THSD4: variants seen among roughly 807,000 people sequenced by gnomAD.
THSD4 encodes the protein thrombospondin type-1 domain-containing protein 4.
Under a neutral mutation model 119.0 loss-of-function variants are expected in THSD4, and 69 were observed. The observed-to-expected ratio is 0.58, with a 90% CI of 0.48 to 0.71. The LOEUF (loss-of-function observed/expected upper bound fraction) is 0.71, where lower values mean the gene tolerates loss of function less well. THSD4 is among the 30% of genes least tolerant of loss of function. The pLI is 0.00. For synonymous variants in THSD4, 524 were observed against 540.4 expected, an observed-to-expected ratio of 0.97 and a Z score of 0.42; for missense variants, 1,393 against 1,391.1, an observed-to-expected ratio of 1.00 and a Z score of -0.02.
At chr15:71,692,980 G>GATA (rs3086726) in intron 8 of THSD4, among the ~76,000 whole-genome samples, 152,153 of 152,352 alleles carry the variant, frequency 1, 75,977 homozygotes, top group East Asian at 1. Flanking sequence ...TTCCTAAACA[G>GATA]ATGAGAGTGA....
At chr15:71,539,114 C>T (rs2140833756) in intron 7 of THSD4, among the ~76,000 whole-genome samples, 1 of 152,292 alleles carries the variant, frequency 6.6e-6, no homozygotes, top group South Asian at 2.1e-4. Context: ...TCATGATTGT[C>T]CTTATCTTTG....
intron 3 of THSD4, among the ~76,000 whole-genome samples, chr15:71,190,784 G>T (rs902008974): frequency 1.3e-5 from 2 of 152,040 alleles, no homozygotes; most frequent in Non-Finnish European, 2.9e-5. Flanking sequence ...ACAGCAGAAG[G>T]TGTCACTCCC....
At chr15:71,411,013 G>A (rs762179622) in intron 6 of THSD4, among the ~76,000 whole-genome samples, 9 of 152,100 alleles carry the variant, frequency 5.9e-5, no homozygotes, top group Non-Finnish European at 1.0e-4. Flanking sequence ...GCACCACTGC[G>A]CTCCAGCCTG....
intron 7 of THSD4, among the ~76,000 whole-genome samples, chr15:71,640,980 G>C (rs1386884191): frequency 2.0e-5 from 3 of 146,606 alleles, no homozygotes; most frequent in African/African-American, 7.5e-5. Flanking sequence ...CCCACCTACA[G>C]ACACACACAC....
chr15:71,245,791 G>T (rs150894155), intron 5 of THSD4, among the ~76,000 whole-genome samples: 1 of 152,276 alleles, frequency 6.6e-6, no homozygotes, highest in East Asian at 1.9e-4. Context: ...TTTTAGGCAC[G>T]GTGAGCCACT....
At chr15:71,598,959 T>C (rs1313801758) in intron 7 of THSD4, among the ~76,000 whole-genome samples, 1 of 152,210 alleles carries the variant, frequency 6.6e-6, no homozygotes, top group Non-Finnish European at 1.5e-5. Flanking sequence ...GTGTCACTTA[T>C]GTTAGGAACA....
intron 3 of THSD4, among the ~76,000 whole-genome samples, chr15:71,181,342 C>A (rs1020818304): frequency 6.6e-6 from 1 of 152,198 alleles, no homozygotes; most frequent in African/African-American, 2.4e-5. Flanking sequence ...GATTCAAAGT[C>A]AACAGCAGAA....
intron 15 of THSD4, among the ~76,000 whole-genome samples, chr15:71,760,765 T>A (rs2053615570): frequency 6.6e-6 from 1 of 152,208 alleles, no homozygotes; most frequent in South Asian, 2.1e-4. Flanking sequence ...CTGCAGGAAT[T>A]CTTTAGGTAC....
chr15:71,669,157 C>G (rs2051472932), intron 8 of THSD4, among the ~76,000 whole-genome samples: 1 of 152,126 alleles, frequency 6.6e-6, no homozygotes, highest in Admixed American at 6.5e-5. Context: ...CACACCGTTA[C>G]CAAAACTAAA....
chr15:71,244,159 T>C (rs1371097348), intron 5 of THSD4, among the ~76,000 whole-genome samples: 2 of 152,178 alleles, frequency 1.3e-5, no homozygotes, highest in Admixed American at 1.3e-4. Context: ...CATTTTATAG[T>C]TGCAAAGAGA....
At chr15:71,597,409 A>T (rs2049924963) in intron 7 of THSD4, among the ~76,000 whole-genome samples, 1 of 152,218 alleles carries the variant, frequency 6.6e-6, no homozygotes, top group Non-Finnish European at 1.5e-5. Flanking sequence ...GTGTGTATAT[A>T]TACCAAAATA....
chr15:71,553,967 C>T (rs963960836), intron 7 of THSD4, among the ~76,000 whole-genome samples: 99 of 151,870 alleles, frequency 6.5e-4, no homozygotes, highest in African/African-American at 2.3e-3. Flanking sequence ...TATTGGCTCT[C>T]GGCTGTATTT....
intron 7 of THSD4, among the ~76,000 whole-genome samples, chr15:71,646,528 T>C (rs539707099): frequency 2.6e-5 from 4 of 152,216 alleles, no homozygotes; most frequent in Non-Finnish European, 5.9e-5. Context: ...ATATCATTTA[T>C]TTGTGTTTCT....
At chr15:71,332,904 T>TTTTTTTTTTTTTTTTTTTTTTTTTTTTTG in intron 6 of THSD4, among the ~76,000 whole-genome samples, 1 of 138,952 alleles carries the variant, frequency 7.2e-6, no homozygotes, top group African/African-American at 2.6e-5. Flanking sequence ...TTTTTTTTTT[T>TTTTTTTTTTTTTTTTTTTTTTTTTTTTTG]TTTTAGTTCA....
At chr15:71,604,215 C>G (rs114078115) in intron 7 of THSD4, among the ~76,000 whole-genome samples, 4,497 of 152,226 alleles carry the variant, frequency 0.03, 198 homozygotes, top group African/African-American at 0.1. Flanking sequence ...CTGCCCAGAC[C>G]CTCAGCCCAG....
At chr15:71,733,570 A>G (rs2053023161) in intron 10 of THSD4, 1 of 152,130 alleles carries the variant, frequency 6.6e-6, no homozygotes, top group African/African-American at 2.4e-5. Context: ...TCATATTTGC[A>G]TGTCATATTT....
Position 71,618,720 on chromosome 15 carries a change from C to T in THSD4, c.1153-41810C>T, listed in dbSNP as rs544324837. Among the ~76,000 whole-genome samples, 188 of 152,004 alleles carry T rather than the reference C, an allele frequency of 1.2e-3. 1 individual carries two copies. The highest frequency in any genetic ancestry group is 4.0e-3 in the African/African-American group (167 of 41,458). On this transcript the variant is annotated intron_variant, in intron 7 of 17. Coordinates refer to ENST00000261862, the MANE Select transcript of THSD4 (RefSeq NM_024817.3). ...TCCTGAGTAGCTGGGACCACAGGTG[C>T]GTGTCACCACACCAGGCTGACTTTT...
chr15:71,472,952 G>A (rs1165848567), intron 7 of THSD4, among the ~76,000 whole-genome samples: 1 of 152,094 alleles, frequency 6.6e-6, no homozygotes, highest in African/African-American at 2.4e-5. Context: ...ACTTGTTGCA[G>A]ATGCTGTTAA....
chr15:71,208,384 A>T (rs2043862129), intron 3 of THSD4, among the ~76,000 whole-genome samples: 1 of 152,170 alleles, frequency 6.6e-6, no homozygotes, highest in Non-Finnish European at 1.5e-5. Flanking sequence ...CAGGGGTTTC[A>T]GTTTCCCTCT....
Sources: allele counts gnomAD v4.1 joint callset (sites outside exome capture counted in the v4.1 genomes callset), GRCh38; gene constraint gnomAD v4.1.1; transcripts MANE v1.5; gene names NCBI Gene and HGNC (gene_info 2026-07-23, HGNC 2026-07-21).